The following SLC25A21 variants were observed in gnomAD, a reference collection of about 807,000 sequenced individuals.
SLC25A21 encodes solute carrier family 25 member 21.
SLC25A21 carries 47 observed loss-of-function variants against 43.8 expected under a neutral mutation model. The ratio of observed to expected loss-of-function variants is 1.07; its 90% confidence interval spans 0.85 to 1.37. The LOEUF is 1.37. Among genes scored for constraint, SLC25A21 ranks in the 40% most tolerant of loss-of-function variants. SLC25A21 has a pLI of 0.00. For missense variants in SLC25A21, 352 were observed against 350.2 expected (o/e 1.00, Z -0.04); for synonymous variants, 131 against 121.3 (o/e 1.08, Z -0.52).
rs1271378579 is a variant in SLC25A21 at position 36,707,961 on chromosome 14, A to G, written c.603+3357T>C. 2.6e-5 allele frequency among the ~76,000 whole-genome samples: 4 copies of G among 152,234 alleles called. No homozygotes were observed. The East Asian group carries it at 7.7e-4, about 29-fold the overall frequency. ...GCAACAAAGGGAGATCCCAATTTCT[A>G]CAGAAAAATAAAAAAATTAGCTGAG... On this transcript the variant is annotated intron_variant, in intron 7 of 9. Coordinates refer to ENST00000331299, the MANE Select transcript of SLC25A21 (RefSeq NM_030631.4).
chr14:36,977,223 T>C (rs1959896402), intron 1 of SLC25A21, among the ~76,000 whole-genome samples: 1 of 152,186 alleles, frequency 6.6e-6, no homozygotes, highest in African/African-American at 2.4e-5. Flanking sequence ...ATAGTTTTCG[T>C]TTTGTAATTA....
intron 1 of SLC25A21, among the ~76,000 whole-genome samples, chr14:36,979,362 T>G (rs902289071): frequency 2.0e-5 from 3 of 150,730 alleles, no homozygotes; most frequent in Non-Finnish European, 4.4e-5. Flanking sequence ...TGTTTGTTTG[T>G]TTGTTTGTTT....
intron 2 of SLC25A21, among the ~76,000 whole-genome samples, chr14:36,857,538 T>C (rs1190181404): frequency 6.6e-6 from 1 of 152,218 alleles, no homozygotes; most frequent in Non-Finnish European, 1.5e-5. Context: ...CTTTTGAGAA[T>C]CATGACTTAT....
chr14:36,991,489 A>G (rs1317223976), intron 1 of SLC25A21, among the ~76,000 whole-genome samples: 1 of 152,178 alleles, frequency 6.6e-6, no homozygotes, highest in Non-Finnish European at 1.5e-5. Context: ...GTGCTCAACT[A>G]TGAGAACCAG....
At chr14:36,953,584 C>A (rs1015705550) in intron 1 of SLC25A21, among the ~76,000 whole-genome samples, 1 of 152,148 alleles carries the variant, frequency 6.6e-6, no homozygotes, top group Non-Finnish European at 1.5e-5. Flanking sequence ...AGATAATTTT[C>A]TTTATTTCAT....
chr14:36,955,368 C>T (rs1959308582), intron 1 of SLC25A21, among the ~76,000 whole-genome samples: 1 of 152,146 alleles, frequency 6.6e-6, no homozygotes, highest in African/African-American at 2.4e-5. Context: ...GTGATAATTT[C>T]CCACTTAGTA....
At chr14:36,786,841 C>T (rs960517562) in intron 3 of SLC25A21, among the ~76,000 whole-genome samples, 10 of 152,176 alleles carry the variant, frequency 6.6e-5, no homozygotes, top group African/African-American at 2.4e-4. Context: ...AGGCCCCAGC[C>T]TCTGTACAGG....
At chr14:37,018,249 A>T (rs1354412347) in intron 1 of SLC25A21, among the ~76,000 whole-genome samples, 1 of 152,014 alleles carries the variant, frequency 6.6e-6, no homozygotes, top group East Asian at 1.9e-4. Flanking sequence ...TTACAGACAA[A>T]TGTCTCAAAT....
At chr14:37,121,022 C>T (rs1052729598) in intron 1 of SLC25A21, among the ~76,000 whole-genome samples, 2 of 152,090 alleles carry the variant, frequency 1.3e-5, no homozygotes, top group African/African-American at 2.4e-5. Flanking sequence ...AACATTTCTT[C>T]GCAAAAAGTA....
At chr14:37,043,573 C>T (rs146331453) in intron 1 of SLC25A21, among the ~76,000 whole-genome samples, 1 of 152,288 alleles carries the variant, frequency 6.6e-6, no homozygotes, top group East Asian at 1.9e-4. Context: ...TTTTATGGCT[C>T]TTTTTGGGCT....
intron 6 of SLC25A21, among the ~76,000 whole-genome samples, chr14:36,720,414 G>C (rs1884327284): frequency 6.6e-6 from 1 of 152,226 alleles, no homozygotes; most frequent in Non-Finnish European, 1.5e-5. Flanking sequence ...CAAGACATTA[G>C]GGTAGACAGG....
At chr14:36,756,560 G>C (rs377007958) in intron 3 of SLC25A21, among the ~76,000 whole-genome samples, 1 of 152,060 alleles carries the variant, frequency 6.6e-6, no homozygotes, top group African/African-American at 2.4e-5. Flanking sequence ...AAATTCGGGC[G>C]GTCTTTCTTG....
chr14:37,016,868 T>A (rs1960868917), intron 1 of SLC25A21, among the ~76,000 whole-genome samples: 1 of 152,082 alleles, frequency 6.6e-6, no homozygotes, highest in Non-Finnish European at 1.5e-5. Flanking sequence ...TGAACCAATC[T>A]CTGCTGGCTT....
At chr14:37,130,518 T>C (rs2138905033) in intron 1 of SLC25A21, among the ~76,000 whole-genome samples, 1 of 152,328 alleles carries the variant, frequency 6.6e-6, no homozygotes, top group African/African-American at 2.4e-5. Flanking sequence ...ATGCAATATG[T>C]TATAATGCTT....
rs1397904925 is a variant in SLC25A21 at position 36,776,234 on chromosome 14, C to CTTTTTTTTTTTTTTTTTTTTTTTTTTTT, written c.203+37683_203+37684insAAAAAAAAAAAAAAAAAAAAAAAAAAAA. On this transcript the variant is annotated intron_variant, in intron 3 of 9. Coordinates refer to ENST00000331299, the MANE Select transcript of SLC25A21 (RefSeq NM_030631.4). The stretch of plus-strand genomic sequence containing the variant: ...CTTTCTTTTTTCTTTTTCTTTCTTT[C>CTTTTTTTTTTTTTTTTTTTTTTTTTTTT]TTTCTTTTTTTTTTTTTTTTGAGAT... 2.6e-5 allele frequency among the ~76,000 whole-genome samples: 2 copies of CTTTTTTTTTTTTTTTTTTTTTTTTTTTT among 75,730 alleles called. 1 individual carries two copies. The highest frequency in any genetic ancestry group is 1.1e-4 in the African/African-American group (2 of 17,548). The allele number at this position is 75,730 out of a possible 152,430, so 49.7% of individuals were successfully genotyped here. A position where few individuals can be genotyped will look rare whatever the true frequency, so the allele number is the denominator to read the frequency against.
chr14:36,938,052 G>T (rs550226035), intron 1 of SLC25A21, among the ~76,000 whole-genome samples: 106 of 152,170 alleles, frequency 7.0e-4, no homozygotes, highest in African/African-American at 2.5e-3. Flanking sequence ...TGTTTGGCTT[G>T]TTTTTTCTTT....
At chr14:36,723,923 C>A (rs1884476272) in intron 6 of SLC25A21, among the ~76,000 whole-genome samples, 1 of 126,286 alleles carries the variant, frequency 7.9e-6, no homozygotes, top group Non-Finnish European at 1.6e-5. Context: ...ACAAGCTTCC[C>A]AAGGGGTAAG....
chr14:37,170,720 C>T (rs1444025343), intron 1 of SLC25A21, among the ~76,000 whole-genome samples: 2 of 151,374 alleles, frequency 1.3e-5, no homozygotes, highest in Admixed American at 6.6e-5. Flanking sequence ...TGAACCCAGG[C>T]GTTGGAGACC....
intron 3 of SLC25A21, among the ~76,000 whole-genome samples, chr14:36,741,617 A>G (rs1387220726): frequency 6.6e-6 from 1 of 152,254 alleles, no homozygotes; most frequent in Non-Finnish European, 1.5e-5. Flanking sequence ...GATGCACATT[A>G]TCTGAGCCTG....
Sources: allele counts gnomAD v4.1 joint callset (sites outside exome capture counted in the v4.1 genomes callset), GRCh38; gene constraint gnomAD v4.1.1; transcripts MANE v1.5; gene names NCBI Gene and HGNC (gene_info 2026-07-23, HGNC 2026-07-21).